Variants in SLC35F3 observed in about 807,000 individuals in gnomAD.
SLC35F3 encodes putative thiamine transporter SLC35F3.
Under a neutral mutation model 49.9 loss-of-function variants are expected in SLC35F3, and 25 were observed. The observed-to-expected ratio is 0.50, with a 90% confidence interval of 0.37 to 0.70. SLC35F3 has a LOEUF of 0.70. Ranked by LOEUF, SLC35F3 falls within the 30% of genes least tolerant of loss-of-function variation. The pLI is 0.00. For missense variants in SLC35F3, 525 were observed against 639.8 expected, an observed-to-expected ratio of 0.82 and a Z score of 1.94; for synonymous variants, 275 against 265.4, an observed-to-expected ratio of 1.04 and a Z score of -0.35.
chr1:233,920,089 G>T (rs1662034887), intron 2 of SLC35F3, among the ~76,000 whole-genome samples: 1 of 152,162 alleles, frequency 6.6e-6, no homozygotes, highest in African/African-American at 2.4e-5. Flanking sequence ...AGATTACACA[G>T]GAGTTCAATC....
At chr1:234,192,447 C>T (rs1346109538) in intron 2 of SLC35F3, among the ~76,000 whole-genome samples, 1 of 152,152 alleles carries the variant, frequency 6.6e-6, no homozygotes, top group African/African-American at 2.4e-5. Context: ...AAAGGATACA[C>T]CTCAGTGTAG....
intron 2 of SLC35F3, among the ~76,000 whole-genome samples, chr1:233,948,784 T>C (rs377552524): frequency 6.3e-4 from 94 of 149,312 alleles, no homozygotes; most frequent in African/African-American, 2.3e-3. Context: ...CATTGTTCAG[T>C]TCCCACCTAT....
chr1:234,255,033 A>T (rs1667796992), intron 3 of SLC35F3, among the ~76,000 whole-genome samples: 2 of 152,236 alleles, frequency 1.3e-5, no homozygotes, highest in Admixed American at 6.5e-5. Flanking sequence ...ATTGTTAATT[A>T]AAAATGTCTG....
intron 3 of SLC35F3, among the ~76,000 whole-genome samples, chr1:234,248,879 G>A (rs1558273341): frequency 6.6e-6 from 1 of 152,144 alleles, no homozygotes; most frequent in Non-Finnish European, 1.5e-5. Flanking sequence ...CAGAGTGAAG[G>A]CCAGGTGAAA....
intron 2 of SLC35F3, among the ~76,000 whole-genome samples, chr1:234,168,013 A>G (rs1429164160): frequency 2.0e-5 from 3 of 152,190 alleles, no homozygotes; most frequent in Non-Finnish European, 2.9e-5. Flanking sequence ...GTCAGTGACA[A>G]TTCCTGCACA....
At chr1:234,099,283 G>T (rs1313280987) in intron 2 of SLC35F3, among the ~76,000 whole-genome samples, 1 of 152,014 alleles carries the variant, frequency 6.6e-6, no homozygotes, top group African/African-American at 2.4e-5. Context: ...ATAATGTTTG[G>T]TTCTTCTTGA....
chr1:233,970,026 T>C (rs1174400673), intron 2 of SLC35F3, among the ~76,000 whole-genome samples: 2 of 152,216 alleles, frequency 1.3e-5, no homozygotes, highest in Non-Finnish European at 2.9e-5. Flanking sequence ...AAGGGAGGCT[T>C]GGAAAAATAC....
chr1:234,172,522 G>T (rs1331363003), intron 2 of SLC35F3, among the ~76,000 whole-genome samples: 5 of 152,150 alleles, frequency 3.3e-5, no homozygotes, highest in Non-Finnish European at 7.3e-5. Context: ...GCACCTGGCC[G>T]AATTGTTTAA....
chr1:233,971,136 G>A (rs151113660), intron 2 of SLC35F3, among the ~76,000 whole-genome samples: 2 of 152,332 alleles, frequency 1.3e-5, no homozygotes, highest in African/African-American at 4.8e-5. Flanking sequence ...AATCTGAATG[G>A]CATTGATATA....
rs1663565905 is a variant in SLC35F3 at position 234,002,255 on chromosome 1, GA to G, written c.283+96498del. 2.6e-5 allele frequency among the ~76,000 whole-genome samples: 4 copies of G among 152,282 alleles called. No homozygotes were observed. The South Asian group carries it at 8.3e-4, about 32-fold the overall frequency. On this transcript the variant is annotated intron_variant, in intron 2 of 7. Coordinates refer to ENST00000366618, the MANE Select transcript of SLC35F3 (RefSeq NM_173508.4). ...TTGTCATAATTGAGGAACCAGTATA[GA>G]TGCACTATTGTTAATGTAAGGCCAC... is the stretch of plus-strand genomic sequence containing the variant.
intron 2 of SLC35F3, among the ~76,000 whole-genome samples, chr1:234,194,443 G>A (rs1043077710): frequency 6.6e-6 from 1 of 152,158 alleles, no homozygotes; most frequent in Admixed American, 6.5e-5. Flanking sequence ...GGGGACTCAG[G>A]AGAGAGGGTG....
intron 2 of SLC35F3, among the ~76,000 whole-genome samples, chr1:234,029,013 C>G (rs1034707041): frequency 3.3e-5 from 5 of 152,210 alleles, no homozygotes; most frequent in Non-Finnish European, 5.9e-5. Context: ...ATATTGGAAG[C>G]ATCTTACTTT....
chr1:233,908,500 A>C (rs929022566), intron 2 of SLC35F3, among the ~76,000 whole-genome samples: 1 of 150,300 alleles, frequency 6.7e-6, no homozygotes, highest in Non-Finnish European at 1.5e-5. Context: ...TGGATTCGCA[A>C]GTTTCGCTCT....
intron 2 of SLC35F3, among the ~76,000 whole-genome samples, chr1:234,084,805 A>G (rs1664937311): frequency 6.8e-6 from 1 of 146,374 alleles, no homozygotes; most frequent in South Asian, 2.3e-4. Flanking sequence ...TGTTCCTGAC[A>G]CTGACTGGAT....
chr1:234,115,900 A>G lies in SLC35F3; in HGVS notation c.284-115517A>G, dbSNP rs1480454811. ...GAAAAAGCAACAGAAACCTGCAGGA[A>G]CAATCTGTGATCCGAGCTTTTGACA... On this transcript the variant is annotated intron_variant, in intron 2 of 7. Coordinates refer to ENST00000366618, the MANE Select transcript of SLC35F3 (RefSeq NM_173508.4). Among the ~76,000 whole-genome samples the G allele has an allele frequency of 4.6e-5, 7 of 152,202 alleles. No individual in the cohort carries two copies. In the East Asian group the frequency reaches 1.3e-3, roughly 29 times the overall value.
chr1:234,187,640 C>T (rs962939680), intron 2 of SLC35F3, among the ~76,000 whole-genome samples: 1 of 152,190 alleles, frequency 6.6e-6, no homozygotes, highest in African/African-American at 2.4e-5. Flanking sequence ...AACGCGTGCC[C>T]TCACTGGGGA....
chr1:233,916,787 A>G (rs553284410), intron 2 of SLC35F3, among the ~76,000 whole-genome samples: 16 of 152,272 alleles, frequency 1.1e-4, no homozygotes, highest in African/African-American at 3.4e-4. Context: ...ACACACCACC[A>G]CCATGTGGTC....
intron 2 of SLC35F3, among the ~76,000 whole-genome samples, chr1:233,947,946 G>C (rs1010492065): frequency 2.1e-4 from 31 of 146,308 alleles, no homozygotes; most frequent in African/African-American, 7.4e-4. Flanking sequence ...TCAGTGGTTT[G>C]TAATTGAGGT....
intron 2 of SLC35F3, among the ~76,000 whole-genome samples, chr1:234,099,636 A>T (rs918318217): frequency 4.0e-5 from 6 of 151,898 alleles, no homozygotes; most frequent in South Asian, 4.1e-4. Context: ...AACAAAAAAA[A>T]GATTTTACCA....
Sources: allele counts gnomAD v4.1 joint callset (sites outside exome capture counted in the v4.1 genomes callset), GRCh38; gene constraint gnomAD v4.1.1; transcripts MANE v1.5; gene names NCBI Gene and HGNC (gene_info 2026-07-23, HGNC 2026-07-21).